The following LRRC37A2 variants were observed in gnomAD, a reference collection of about 807,000 sequenced individuals.
LRRC37A2 encodes leucine-rich repeat-containing protein 37A2.
LRRC37A2 carries 9 observed loss-of-function variants against 68.8 expected under a neutral mutation model. The observed-to-expected ratio is 0.13, with a 90% CI of 0.08 to 0.23. The LOEUF is 0.23. Ranked by LOEUF, LRRC37A2 falls within the 10% of genes least tolerant of loss-of-function variation. The pLI is 1.00. For missense variants in LRRC37A2, 168 were observed against 950.4 expected, an observed-to-expected ratio of 0.18 and a Z score of 10.82; for synonymous variants, 63 against 367.6, an observed-to-expected ratio of 0.17 and a Z score of 9.48.
chr17:46,885,274 G>A, the LRRC37A2 span: 1 of 287,994 alleles, frequency 3.5e-6, no homozygotes, highest in African/African-American at 2.3e-5. Flanking sequence ...CCAAAGTGCT[G>A]GGATTACCGG....
the LRRC37A2 span, among the ~76,000 whole-genome samples, chr17:46,711,711 G>A: frequency 1.3e-5 from 2 of 152,104 alleles, no homozygotes; most frequent in African/African-American, 2.4e-5. Context: ...TTAGTATGAC[G>A]GCAGAAAAGT....
chr17:46,726,647 T>G, the LRRC37A2 span: 3 of 1,574,884 alleles, frequency 1.9e-6, no homozygotes, highest in Admixed American at 5.0e-5. Flanking sequence ...TGTATTATCT[T>G]TGCCACATTA....
chr17:46,797,897 T>G, the LRRC37A2 span, among the ~76,000 whole-genome samples: 8 of 152,266 alleles, frequency 5.3e-5, no homozygotes, highest in South Asian at 1.0e-3. Context: ...AATAAAACAT[T>G]TCATTTAGGC....
At chr17:46,502,966 A>T in the LRRC37A2 span, among the ~76,000 whole-genome samples, 2 of 150,592 alleles carry the variant, frequency 1.3e-5, no homozygotes, top group African/African-American at 5.0e-5. Context: ...TAATCCCAGC[A>T]CTTTGGGAGG....
the LRRC37A2 span, among the ~76,000 whole-genome samples, chr17:46,873,394 C>T: frequency 6.6e-6 from 1 of 152,088 alleles, no homozygotes; most frequent in Admixed American, 6.5e-5. Context: ...ACCCAGCTAC[C>T]CTCGGGAAGC....
chr17:46,961,032 A>T, the LRRC37A2 span, among the ~76,000 whole-genome samples: 1 of 152,192 alleles, frequency 6.6e-6, no homozygotes, highest in African/African-American at 2.4e-5. Context: ...GGGAGAGTTT[A>T]AAAAAAACAA....
chr17:46,541,145 C>T (rs1426929711), intron 8 of LRRC37A2, among the ~76,000 whole-genome samples: 3 of 136,452 alleles, frequency 2.2e-5, no homozygotes, highest in African/African-American at 9.4e-5. Context: ...CCCCTGTTAG[C>T]TACTAATCTG....
rs1442708655 is a variant in LRRC37A2, at chr17:46,542,775, A to C, written c.3053+1894A>C. On this transcript the variant is annotated intron_variant, in intron 8 of 14. Coordinates refer to ENST00000576629, the Ensembl canonical transcript of LRRC37A2. ...GGGCCCTATTGTGAGTTTGTTACACAATTTACTGCAACTTCAATTGTGCCA... is the reference window on the plus strand; with the variant it reads ...GGGCCCTATTGTGAGTTTGTTACACCATTTACTGCAACTTCAATTGTGCCA... 4.6e-5 allele frequency among the ~76,000 whole-genome samples: 7 copies of C among 150,564 alleles called. No individual in the cohort carries two copies. In the East Asian group the frequency reaches 1.2e-3, roughly 25 times the overall value.
At chr17:46,871,338 T>C in the LRRC37A2 span, among the ~76,000 whole-genome samples, 2 of 152,216 alleles carry the variant, frequency 1.3e-5, no homozygotes, top group Non-Finnish European at 2.9e-5. Flanking sequence ...AGCAAACATT[T>C]TGAACCAGCA....
At chr17:46,713,839 A>G in the LRRC37A2 span, 5 of 1,606,980 alleles carry the variant, frequency 3.1e-6, no homozygotes, top group East Asian at 2.2e-5. Flanking sequence ...TGACTTGCTC[A>G]TATCTTTATG....
At chr17:46,540,055 A>T in intron 6 of LRRC37A2, 121 bp from the exon 6 acceptor site, 1 of 1,045,078 alleles carries the variant, frequency 9.6e-7, no homozygotes, top group South Asian at 1.6e-5. Context: ...TCTTAGGTAA[A>T]GACAGGAAAC....
the LRRC37A2 span, among the ~76,000 whole-genome samples, chr17:46,735,426 C>T: frequency 6.6e-6 from 1 of 151,576 alleles, no homozygotes; most frequent in Admixed American, 6.6e-5. Flanking sequence ...TTAAGAGCAC[C>T]CTTTCTGTAG....
At chr17:46,874,605 T>A in the LRRC37A2 span, among the ~76,000 whole-genome samples, 1 of 152,224 alleles carries the variant, frequency 6.6e-6, no homozygotes, top group Admixed American at 6.5e-5. Context: ...TGAGACAAGG[T>A]CTCCCTCTGT....
chr17:46,876,240 C>T, the LRRC37A2 span: 1 of 1,599,136 alleles, frequency 6.3e-7, no homozygotes, highest in South Asian at 1.1e-5. Flanking sequence ...CTGCCTCCCC[C>T]ACAGGCTGTG....
the LRRC37A2 span, among the ~76,000 whole-genome samples, chr17:46,661,386 TA>T: frequency 1.0e-5 from 1 of 95,482 alleles, no homozygotes; most frequent in Admixed American, 1.1e-4. Flanking sequence ...TTTTTATTAT[TA>T]TTATTATTAT....
the LRRC37A2 span, among the ~76,000 whole-genome samples, chr17:46,883,770 C>T: frequency 6.6e-6 from 1 of 152,216 alleles, no homozygotes; most frequent in Non-Finnish European, 1.5e-5. Context: ...CTGGTGGCAT[C>T]TTCCAGTCCT....
chr17:46,710,923 A>C, the LRRC37A2 span: 1 of 1,546,412 alleles, frequency 6.5e-7, no homozygotes, highest in East Asian at 2.5e-5. Flanking sequence ...AGTTTTTAAC[A>C]CTAAGGCTCA....
downstream of LRRC37A2, chr17:46,558,968 G>A (rs1467651666): frequency 2.0e-5 from 2 of 99,268 alleles, no homozygotes; most frequent in Admixed American, 2.1e-4. Context: ...GGGAGTCCCC[G>A]CGCCCGGCAA....
At chr17:46,981,776 A>G in the LRRC37A2 span, among the ~76,000 whole-genome samples, 1 of 152,134 alleles carries the variant, frequency 6.6e-6, no homozygotes, top group Non-Finnish European at 1.5e-5. Context: ...GTGCAATCAC[A>G]ACTCACTACA....
Sources: gnomAD v4.1 joint callset for allele counts (sites outside exome capture counted in the v4.1 genomes callset) on GRCh38, gnomAD v4.1.1 for gene constraint, MANE v1.5 for transcripts, NCBI Gene and HGNC (gene_info 2026-07-23, HGNC 2026-07-21) for gene names.